Variants in FLVCR2 observed in about 807,000 individuals in gnomAD.
The protein encoded by FLVCR2 is choline/ethanolamine transporter FLVCR2.
A neutral mutation model predicts 48.9 loss-of-function variants in FLVCR2; 38 were observed. The ratio of observed to expected loss-of-function variants is 0.78; its 90% CI spans 0.60 to 1.02. The LOEUF is 1.02. Among genes scored for constraint, FLVCR2 ranks in the 50% least tolerant of loss-of-function variants. The pLI is 0.00. For synonymous variants in FLVCR2, 255 were observed against 257.0 expected (o/e 0.99, Z 0.07); for missense variants, 664 against 663.3 (o/e 1.00, Z -0.01).
chr14:75,591,145 G>C (rs1373733415), intron 1 of FLVCR2, among the ~76,000 whole-genome samples: 1 of 152,212 alleles, frequency 6.6e-6, no homozygotes, highest in Admixed American at 6.5e-5. Flanking sequence ...CTGGGCACAA[G>C]TGATCCTCCC....
chr14:75,582,856 A>G (rs1005751697), intron 1 of FLVCR2, among the ~76,000 whole-genome samples: 2 of 152,244 alleles, frequency 1.3e-5, no homozygotes, highest in Non-Finnish European at 2.9e-5. Context: ...GGAAGTACCT[A>G]ACCATGCCTA....
intron 1 of FLVCR2, among the ~76,000 whole-genome samples, chr14:75,608,308 C>T (rs753635409): frequency 3.3e-5 from 5 of 152,186 alleles, no homozygotes; most frequent in Non-Finnish European, 7.3e-5. Flanking sequence ...GGAAGCTATA[C>T]TTGCTGATTT....
At chr14:75,645,012 G>C (rs140864751) in intron 9 of FLVCR2, among the ~76,000 whole-genome samples, 380 of 150,934 alleles carry the variant, frequency 2.5e-3, no homozygotes, top group African/African-American at 8.9e-3. Flanking sequence ...TCCAGGTGAT[G>C]GCTTTGGAGG....
chr14:75,619,409 G>A (rs1008090741), intron 1 of FLVCR2, among the ~76,000 whole-genome samples: 3 of 151,676 alleles, frequency 2.0e-5, no homozygotes, highest in African/African-American at 7.3e-5. Flanking sequence ...AAAGAACCTG[G>A]ACCTTAATAG....
rs773560360 is a variant in FLVCR2 at position 75,624,670 on chromosome 14, G to T, written c.870G>T (p.Leu290Phe). ...GGGCCCAATCCCTGAGCTATGCCTT[G>T]ACCTCTCCTGATGCCTCATACTTAG... Reference protein sequence around the residue: ...PSRAQSLSYALTSPDASYLGS... With the variant: ...PSRAQSLSYAFTSPDASYLGS... The change falls in exon 3 of 10, where the codon TTG (leucine) becomes TTT (phenylalanine). Residue 290 changes from leucine to phenylalanine, a missense_variant. Leu to Phe is a conservative substitution (Grantham distance 22). Coordinates refer to ENST00000238667, the MANE Select transcript of FLVCR2 (RefSeq NM_017791.3). The T allele has an allele frequency of 6.2e-7, 1 of 1,614,102 alleles. No individual in the cohort carries two copies. The highest frequency in any genetic ancestry group is 8.5e-7 in the Non-Finnish European group (1 of 1,180,024).
intron 3 of FLVCR2, among the ~76,000 whole-genome samples, chr14:75,628,273 T>C (rs1335352028): frequency 6.6e-6 from 1 of 152,072 alleles, no homozygotes; most frequent in Admixed American, 6.6e-5. Context: ...CGCCACCACA[T>C]CCAGGGAATT....
At chr14:75,598,485 T>C (rs1014142822) in intron 1 of FLVCR2, among the ~76,000 whole-genome samples, 1 of 152,132 alleles carries the variant, frequency 6.6e-6, no homozygotes, top group East Asian at 1.9e-4. Flanking sequence ...TTTTTCTTTT[T>C]TCCGTTTTTA....
intron 1 of FLVCR2, chr14:75,595,761 G>A: frequency 1.5e-6 from 1 of 682,640 alleles, no homozygotes; most frequent in East Asian, 2.6e-5. Flanking sequence ...TAATATTCTT[G>A]TGAAAAATCC....
intron 1 of FLVCR2, chr14:75,605,366 C>A: frequency 2.7e-6 from 3 of 1,123,338 alleles, no homozygotes; most frequent in Non-Finnish European, 3.6e-6. Context: ...TGGAATATCT[C>A]CCCTCCCTTG....
intron 1 of FLVCR2, chr14:75,595,670 GCAAA>G: frequency 1.7e-6 from 1 of 588,402 alleles, no homozygotes; most frequent in East Asian, 2.8e-5. Flanking sequence ...GCTATTGACA[GCAAA>G]CAGAGTGCTT....
At chr14:75,593,877 A>C (rs183958035) in intron 1 of FLVCR2, among the ~76,000 whole-genome samples, 3 of 152,308 alleles carry the variant, frequency 2.0e-5, no homozygotes, top group Non-Finnish European at 4.4e-5. Flanking sequence ...TTCAGTCTAC[A>C]TGGCCAGCCT....
At position 75,646,532 on chromosome 14, in the gene FLVCR2, C is replaced by G. The variant is rs1483477104; in HGVS notation, c.*60C>G. ...CCCCACCTTTTCCTTCAGCACAGCTCTCACCGCCAGCACAAAGGGCTTCGC... is the reference window on the plus strand; with the variant it reads ...CCCCACCTTTTCCTTCAGCACAGCTGTCACCGCCAGCACAAAGGGCTTCGC... On this transcript the variant is annotated 3_prime_UTR_variant, in exon 10 of 10. Coordinates refer to ENST00000238667, the MANE Select transcript of FLVCR2 (RefSeq NM_017791.3). 8.1e-7 allele frequency: 1 copy of G among 1,228,876 alleles called. No individual in the cohort carries two copies. The highest frequency in any genetic ancestry group is 1.5e-5 in the African/African-American group (1 of 67,454). The allele number at this position is 1,228,876 out of a possible 1,614,324, so 76.1% of individuals were successfully genotyped here.
intron 3 of FLVCR2, among the ~76,000 whole-genome samples, chr14:75,626,802 G>T (rs1889911704): frequency 6.6e-6 from 1 of 151,902 alleles, no homozygotes; most frequent in Non-Finnish European, 1.5e-5. Context: ...TTTTACTTTC[G>T]CTAGAGTTGG....
intron 3 of FLVCR2, among the ~76,000 whole-genome samples, chr14:75,625,325 C>T (rs1889872405): frequency 6.6e-6 from 1 of 151,910 alleles, no homozygotes; most frequent in Non-Finnish European, 1.5e-5. Context: ...CAACAACATC[C>T]CTCTTTCATT....
At chr14:75,643,142 G>T (rs1469514003) in intron 9 of FLVCR2, among the ~76,000 whole-genome samples, 1 of 152,232 alleles carries the variant, frequency 6.6e-6, no homozygotes, top group East Asian at 1.9e-4. Context: ...GATTACAGGA[G>T]TGAGCCACTG....
At chr14:75,631,923 G>A (rs1890050842) in intron 3 of FLVCR2, 4 of 445,756 alleles carry the variant, frequency 9.0e-6, no homozygotes, top group Non-Finnish European at 1.4e-5. Flanking sequence ...TTGTAGTGAT[G>A]TTTGGGGACA....
chr14:75,604,957 A>C (rs981596397), intron 1 of FLVCR2, among the ~76,000 whole-genome samples: 1 of 152,208 alleles, frequency 6.6e-6, no homozygotes, highest in African/African-American at 2.4e-5. Context: ...GGGGTGACAC[A>C]GATACTCACT....
rs184907508 is a variant in FLVCR2, at chr14:75,644,711, A to G, written c.1510-1690A>G. 1.8e-3 allele frequency among the ~76,000 whole-genome samples: 280 copies of G among 152,250 alleles called. 1 individual carries two copies. Among genetic ancestry groups the G allele is most frequent in the Non-Finnish European group, 2.9e-3 (198 of 68,012 alleles). Reference sequence around the variant, plus strand: ...CCATCACAGAGCAGCCCTCCTCTGGAGCCGTGACATTACGCACCCCATGGC... The same window carrying G: ...CCATCACAGAGCAGCCCTCCTCTGGGGCCGTGACATTACGCACCCCATGGC... On this transcript the variant is annotated intron_variant, in intron 9 of 9. Coordinates refer to ENST00000238667, the MANE Select transcript of FLVCR2 (RefSeq NM_017791.3).
intron 1 of FLVCR2, among the ~76,000 whole-genome samples, chr14:75,621,683 C>A (rs987912890): frequency 2.0e-5 from 3 of 152,182 alleles, no homozygotes; most frequent in Admixed American, 6.5e-5. Context: ...CCCAGCTGGG[C>A]TCTCAGCTCT....
Sources: gnomAD v4.1 joint callset for allele counts (sites outside exome capture counted in the v4.1 genomes callset) on GRCh38, gnomAD v4.1.1 for gene constraint, MANE v1.5 for transcripts, NCBI Gene and HGNC (gene_info 2026-07-23, HGNC 2026-07-21) for gene names.